The following NEK6 variants were observed in gnomAD, a reference collection of about 807,000 sequenced individuals.
NEK6 encodes the protein NIMA related kinase 6.
A neutral mutation model predicts 43.5 loss-of-function variants in NEK6; 27 were observed. That is an observed-to-expected ratio of 0.62 (90% CI 0.46 to 0.86). The LOEUF (loss-of-function observed/expected upper bound fraction) is 0.86. Ranked by LOEUF, NEK6 falls within the 40% of genes least tolerant of loss-of-function variation. The pLI is 0.00. For missense variants in NEK6, 318 were observed against 414.4 expected, an observed-to-expected ratio of 0.77 and a Z score of 2.02; for synonymous variants, 167 against 164.1, an observed-to-expected ratio of 1.02 and a Z score of -0.14.
chr9:124,334,351 A>G (rs60774128), intron 7 of NEK6, among the ~76,000 whole-genome samples: 8 of 152,314 alleles, frequency 5.3e-5, no homozygotes, highest in African/African-American at 1.7e-4. Flanking sequence ...ATGGATGGCA[A>G]TTTGCAACAC....
chr9:124,345,154 T>C (rs1363659827), intron 8 of NEK6, among the ~76,000 whole-genome samples: 2 of 152,172 alleles, frequency 1.3e-5, no homozygotes, highest in East Asian at 1.9e-4. Context: ...GCTTGGCATT[T>C]GAGGAGCAGC....
intron 7 of NEK6, among the ~76,000 whole-genome samples, chr9:124,329,179 C>T (rs1828835887): frequency 6.6e-6 from 1 of 152,224 alleles, no homozygotes. Context: ...TCCCCTCAAA[C>T]ATTTACTTCC....
chr9:124,314,531 C>T (rs1265772929), intron 4 of NEK6, among the ~76,000 whole-genome samples: 1 of 151,492 alleles, frequency 6.6e-6, no homozygotes, highest in Admixed American at 6.6e-5. Context: ...AACTCTGTTG[C>T]CTGGACTGTA....
At chr9:124,350,347 T>C (rs932137797) in intron 9 of NEK6, among the ~76,000 whole-genome samples, 18 of 148,746 alleles carry the variant, frequency 1.2e-4, no homozygotes, top group African/African-American at 4.4e-4. Flanking sequence ...CTTCAGTGTC[T>C]GTATAATTAA....
chr9:124,321,413 C>A, intron 4 of NEK6, 46 bp from the exon 5 acceptor site: 1 of 1,317,254 alleles, frequency 7.6e-7, no homozygotes, highest in Non-Finnish European at 1.1e-6. Flanking sequence ...CTGGGTCTGT[C>A]CCGTCTTCAC....
intron 1 of NEK6, among the ~76,000 whole-genome samples, chr9:124,264,777 T>C (rs2118872908): frequency 7.1e-6 from 1 of 140,078 alleles, no homozygotes; most frequent in Non-Finnish European, 1.5e-5. Flanking sequence ...ATTGTGCCAC[T>C]GCACTCCAGC....
At chr9:124,270,211 G>A (rs189844137) in intron 1 of NEK6, among the ~76,000 whole-genome samples, 202 of 152,268 alleles carry the variant, frequency 1.3e-3, no homozygotes, top group Non-Finnish European at 2.4e-3. Flanking sequence ...CAGAGGCCTC[G>A]AAAGGTTGAT....
In NEK6 at chr9:124,257,967, G is replaced by C. The variant is rs896741811; in HGVS notation, c.-148G>C. ...CGCGCAGGCGGTGGCGGCGGCGGCGGAACCGAGCTGACGGGCGTGCGGCCG... is the reference window on the plus strand; with the variant it reads ...CGCGCAGGCGGTGGCGGCGGCGGCGCAACCGAGCTGACGGGCGTGCGGCCG... On this transcript the variant is annotated 5_prime_UTR_variant, in exon 1 of 10. Coordinates refer to ENST00000320246, the MANE Select transcript of NEK6 (RefSeq NM_014397.6). 6.1e-6 allele frequency: 6 copies of C among 978,810 alleles called. No individual in the cohort carries two copies. In the African/African-American group the frequency reaches 1.1e-4, roughly 17 times the overall value. The allele number at this position is 978,810 out of a possible 1,614,324, so 60.6% of individuals were successfully genotyped here.
chr9:124,260,188 A>G lies in NEK6; in HGVS notation c.-30+2103A>G, dbSNP rs544521128. Among the ~76,000 whole-genome samples the G allele has an allele frequency of 1.2e-4, 18 of 152,220 alleles. 1 individual carries two copies. The South Asian group carries it at 3.1e-3, about 26-fold the overall frequency. ...CAGCCTCACAGCCTTTCCTCTTTCC[A>G]TTGCACTTGGGATATGGTATTTGAC... On this transcript the variant is annotated intron_variant, in intron 1 of 9. Transcript: ENST00000320246.
intron 1 of NEK6, among the ~76,000 whole-genome samples, chr9:124,295,919 T>C (rs1564628765): frequency 6.6e-6 from 1 of 152,232 alleles, no homozygotes; most frequent in Non-Finnish European, 1.5e-5. Context: ...CCATGGAGCC[T>C]TAGTTTCCTC....
At chr9:124,301,564 G>A (rs778334072) in intron 1 of NEK6, among the ~76,000 whole-genome samples, 9 of 152,148 alleles carry the variant, frequency 5.9e-5, no homozygotes, top group Non-Finnish European at 1.2e-4. Flanking sequence ...TGGGGGATAG[G>A]GGTACAGAAC....
intron 1 of NEK6, among the ~76,000 whole-genome samples, chr9:124,268,139 G>A (rs937686591): frequency 2.6e-5 from 4 of 152,176 alleles, no homozygotes; most frequent in African/African-American, 7.2e-5. Context: ...TAGCAATTGA[G>A]ATATTTAATG....
At chr9:124,322,623 G>A (rs1057014192) in intron 5 of NEK6, among the ~76,000 whole-genome samples, 16 of 152,190 alleles carry the variant, frequency 1.1e-4, no homozygotes, top group African/African-American at 2.9e-4. Context: ...AGGTCCTCAC[G>A]TCCCTACTGG....
At chr9:124,314,328 C>T (rs1020032922) in intron 4 of NEK6, among the ~76,000 whole-genome samples, 1 of 152,152 alleles carries the variant, frequency 6.6e-6, no homozygotes, top group East Asian at 1.9e-4. Flanking sequence ...CCAGGCTTGG[C>T]TAGGGGAGGA....
At chr9:124,303,788 C>A (rs1055060328) in intron 2 of NEK6, among the ~76,000 whole-genome samples, 2 of 152,176 alleles carry the variant, frequency 1.3e-5, no homozygotes, top group African/African-American at 2.4e-5. Flanking sequence ...GGCAGCAGGG[C>A]CTCCTCGGGT....
chr9:124,335,821 A>G (rs542713043), intron 7 of NEK6, among the ~76,000 whole-genome samples: 1 of 152,366 alleles, frequency 6.6e-6, no homozygotes, highest in South Asian at 2.1e-4. Flanking sequence ...TAAGATAAGA[A>G]AAACAAGGCC....
intron 1 of NEK6, among the ~76,000 whole-genome samples, chr9:124,297,661 C>T (rs527938059): frequency 2.0e-5 from 3 of 152,204 alleles, no homozygotes; most frequent in Non-Finnish European, 4.4e-5. Flanking sequence ...TCAGTGTGGC[C>T]TGCAGCTCTG....
chr9:124,316,220 C>G (rs1833811013), intron 4 of NEK6, among the ~76,000 whole-genome samples: 2 of 152,342 alleles, frequency 1.3e-5, no homozygotes, highest in Admixed American at 1.3e-4. Flanking sequence ...CCCAAAACCT[C>G]TCAAGTGCGG....
At chr9:124,320,194 A>G (rs1341200045) in intron 4 of NEK6, among the ~76,000 whole-genome samples, 1 of 152,164 alleles carries the variant, frequency 6.6e-6, no homozygotes, top group East Asian at 1.9e-4. Flanking sequence ...GGTCCAGAGC[A>G]GGGGTTTGAG....
Sources: gnomAD v4.1 joint callset for allele counts (sites outside exome capture counted in the v4.1 genomes callset) on GRCh38, gnomAD v4.1.1 for gene constraint, MANE v1.5 for transcripts, NCBI Gene and HGNC (gene_info 2026-07-23, HGNC 2026-07-21) for gene names.